Variants in BTAF1 observed in about 807,000 individuals in gnomAD.
BTAF1 encodes the protein TATA-binding protein-associated factor 172.
Under a neutral mutation model 227.1 loss-of-function variants are expected in BTAF1, and 38 were observed. That is an observed-to-expected ratio of 0.17 (90% CI 0.13 to 0.22). The LOEUF is 0.22. Ranked by LOEUF, BTAF1 falls within the 10% of genes least tolerant of loss-of-function variation. The pLI is 1.00. For synonymous variants in BTAF1, 742 were observed against 751.9 expected, an observed-to-expected ratio of 0.99 and a Z score of 0.21; for missense variants, 1,598 against 2,204.0, an observed-to-expected ratio of 0.73 and a Z score of 5.51.
intron 18 of BTAF1, among the ~76,000 whole-genome samples, 189 bp from the exon 19 acceptor site, chr10:91,984,012 T>C (rs758684914): frequency 1.2e-4 from 18 of 152,184 alleles, no homozygotes; most frequent in Non-Finnish European, 2.1e-4. Flanking sequence ...GTCATTCATG[T>C]TAAAATTTTA....
chr10:91,927,647 G>T (rs899884784), intron 1 of BTAF1, among the ~76,000 whole-genome samples: 1 of 152,124 alleles, frequency 6.6e-6, no homozygotes, highest in African/African-American at 2.4e-5. Context: ...GAATGATTTT[G>T]CTTCTTGCTT....
chr10:91,938,020 A>G (rs1016791544), intron 2 of BTAF1, among the ~76,000 whole-genome samples: 1 of 152,334 alleles, frequency 6.6e-6, no homozygotes, highest in African/African-American at 2.4e-5. Context: ...GATATCAGGC[A>G]TATGTATTTA....
chr10:91,976,776 A>G (rs967607972), intron 14 of BTAF1, among the ~76,000 whole-genome samples: 5 of 152,226 alleles, frequency 3.3e-5, no homozygotes, highest in African/African-American at 9.6e-5. Flanking sequence ...ATGGATTTCA[A>G]CAACTATTTA....
In BTAF1 at chr10:91,929,273, A is replaced by G. The variant is rs1844099663; in HGVS notation, c.14+5183A>G. On this transcript the variant is annotated intron_variant, in intron 1 of 37. Coordinates refer to ENST00000265990, the MANE Select transcript of BTAF1 (RefSeq NM_003972.3). ...GTTAATAGGAACATAGTTTTTCCTT[A>G]ATCAGCTAGAGAAAGTTTCAGAAAT... 2.6e-5 allele frequency among the ~76,000 whole-genome samples: 4 copies of G among 152,218 alleles called. No individual in the cohort carries two copies. The South Asian group carries it at 8.3e-4, about 31-fold the overall frequency.
rs1252247334 is a variant in BTAF1, at chr10:91,959,142, C to T, written c.978C>T (p.Ser326=). The T allele has an allele frequency of 6.2e-7, 1 of 1,614,026 alleles. No individual in the cohort carries two copies. The highest frequency in any genetic ancestry group is 8.5e-7 in the Non-Finnish European group (1 of 1,179,976). ...HGKSGGKMGD[S]TLEEMIQQHQ... is the part of the protein sequence containing the mutation. ...AAAGTGGTGGTAAAATGGGTGACAG[C>T]ACTTTAGAAGAGGTAAGTGTATTAA... Residue 326 remains serine (S), a synonymous_variant, in exon 9 of 38, where the codon AGC becomes AGT. Transcript: ENST00000265990.
At chr10:91,974,923 T>C (rs2133955598) in intron 14 of BTAF1, among the ~76,000 whole-genome samples, 1 of 152,332 alleles carries the variant, frequency 6.6e-6, no homozygotes, top group African/African-American at 2.4e-5. Context: ...TTTGCTAAAC[T>C]AGCAGCTTGG....
intron 4 of BTAF1, among the ~76,000 whole-genome samples, chr10:91,945,243 TC>T (rs896123972): frequency 6.6e-6 from 1 of 152,220 alleles, no homozygotes; most frequent in Non-Finnish European, 1.5e-5. Flanking sequence ...TACTTTTTTT[TC>T]TTTTCTAAAT....
At position 92,030,045 on chromosome 10, in the gene BTAF1, AAATT is replaced by A. The variant is rs1474090903; in HGVS notation, c.*1116_*1119del. ...ATATAATTTTATAAGTTTCACGCAT[AAATT>A]AATACATGCCTGTGTGCATACATAT... On this transcript the variant is annotated 3_prime_UTR_variant, in exon 38 of 38. Coordinates refer to ENST00000265990, the MANE Select transcript of BTAF1 (RefSeq NM_003972.3). The A allele has an allele frequency of 1.3e-5, 2 of 151,418 alleles. No individual in the cohort carries two copies. Among genetic ancestry groups the A allele is most frequent in the African/African-American group, 2.4e-5 (1 of 41,400 alleles). The allele number at this position is 151,418 out of a possible 1,614,324, so 9.4% of individuals were successfully genotyped here. A position where few individuals can be genotyped will look rare whatever the true frequency, so the allele number is the denominator to read the frequency against.
intron 28 of BTAF1, among the ~76,000 whole-genome samples, chr10:92,010,223 A>G (rs919162272): frequency 6.6e-6 from 1 of 152,166 alleles, no homozygotes; most frequent in Non-Finnish European, 1.5e-5. Flanking sequence ...CACTCAGCTA[A>G]TTAAGTGGAC....
intron 14 of BTAF1, among the ~76,000 whole-genome samples, chr10:91,978,608 A>G (rs918853865): frequency 6.6e-6 from 1 of 152,118 alleles, no homozygotes; most frequent in Admixed American, 6.6e-5. Context: ...AATTTCAGTT[A>G]AAATTTCCAA....
intron 20 of BTAF1, among the ~76,000 whole-genome samples, chr10:91,991,609 G>T (rs1485180394): frequency 6.6e-6 from 1 of 151,262 alleles, no homozygotes; most frequent in East Asian, 2.0e-4. Context: ...AATTAGCTGG[G>T]TGTGGTGGTG....
intron 34 of BTAF1, among the ~76,000 whole-genome samples, chr10:92,019,715 A>G (rs891971712): frequency 1.3e-5 from 2 of 151,938 alleles, no homozygotes; most frequent in Admixed American, 6.6e-5. Flanking sequence ...TGAAGTGATA[A>G]CTCCTTGTGG....
chr10:92,022,137 G>GT (rs1476802351), intron 34 of BTAF1, among the ~76,000 whole-genome samples: 1 of 152,134 alleles, frequency 6.6e-6, no homozygotes, highest in Non-Finnish European at 1.5e-5. Flanking sequence ...GAATACCAGA[G>GT]TATCAATTCT....
intron 1 of BTAF1, among the ~76,000 whole-genome samples, chr10:91,929,906 T>G (rs889214330): frequency 6.6e-6 from 1 of 152,172 alleles, no homozygotes. Context: ...TATTGTAAAT[T>G]ATAATTCATC....
At chr10:91,988,115 A>G (rs1329549627) in intron 19 of BTAF1, among the ~76,000 whole-genome samples, 2 of 152,194 alleles carry the variant, frequency 1.3e-5, no homozygotes, top group African/African-American at 4.8e-5. Context: ...CTCTTCTTCT[A>G]AGAAGGAATA....
At chr10:91,968,461 C>T (rs1423472762) in intron 14 of BTAF1, among the ~76,000 whole-genome samples, 1 of 152,184 alleles carries the variant, frequency 6.6e-6, no homozygotes. Flanking sequence ...ATCTTAATTG[C>T]TTCCAGTTTT....
chr10:92,025,111 A>C, intron 35 of BTAF1, 144 bp downstream of exon 35: 1 of 670,672 alleles, frequency 1.5e-6, no homozygotes, highest in Non-Finnish European at 2.5e-6. Flanking sequence ...ACCCCTTTTT[A>C]ACTATAGAAC....
intron 4 of BTAF1, among the ~76,000 whole-genome samples, chr10:91,949,962 C>T (rs1171435993): frequency 1.3e-5 from 2 of 151,804 alleles, no homozygotes; most frequent in Non-Finnish European, 2.9e-5. Context: ...CATAATAAAC[C>T]CCATCTCTAA....
At chr10:92,014,173 G>A in intron 32 of BTAF1, 144 bp downstream of exon 32, 1 of 882,546 alleles carries the variant, frequency 1.1e-6, no homozygotes, top group Non-Finnish European at 1.7e-6. Context: ...ATGTAAGTTT[G>A]AGTGTATGCA....
Sources: gnomAD v4.1 joint callset for allele counts (sites outside exome capture counted in the v4.1 genomes callset) on GRCh38, gnomAD v4.1.1 for gene constraint, MANE v1.5 for transcripts, NCBI Gene and HGNC (gene_info 2026-07-23, HGNC 2026-07-21) for gene names.